SEMA4A: variants seen among roughly 807,000 people sequenced by gnomAD.
The protein encoded by SEMA4A is semaphorin-4A.
In SEMA4A, 52 loss-of-function variants were observed where a neutral mutation model predicts 72.5. The observed-to-expected ratio is 0.72, with a 90% confidence interval of 0.57 to 0.90. SEMA4A has a LOEUF of 0.90. SEMA4A is among the 40% of genes least tolerant of loss of function. SEMA4A has a pLI of 0.00. For synonymous variants in SEMA4A, 369 were observed against 393.1 expected, an observed-to-expected ratio of 0.94 and a Z score of 0.73; for missense variants, 926 against 959.7, an observed-to-expected ratio of 0.96 and a Z score of 0.46.
Position 156,176,651 on chromosome 1 carries a change from T to C in SEMA4A, c.1940T>C (p.Leu647Pro), listed in dbSNP as rs1655365109. Residue 647 changes from leucine to proline, a missense_variant, in exon 15 of 15, where the codon CTG becomes CCG. By Grantham distance (98) the Leu-to-Pro change is moderately conservative. Coordinates refer to ENST00000368285, the MANE Select transcript of SEMA4A (RefSeq NM_022367.4). ...SYWVDSQDQT[L>P]ALDPELAGIP... ...TGGGTGGACAGCCAGGACCAGACCC[T>C]GGCCCTGGATCCTGAACTGGCAGGC... is the stretch of plus-strand genomic sequence containing the variant. The C allele has an allele frequency of 6.2e-7, 1 of 1,614,064 alleles. No individual in the cohort carries two copies. Among genetic ancestry groups the C allele is most frequent in the Non-Finnish European group, 8.5e-7 (1 of 1,180,028 alleles).
At chr1:156,159,505 G>A (rs541206006) in intron 6 of SEMA4A, among the ~76,000 whole-genome samples, 16 of 152,266 alleles carry the variant, frequency 1.1e-4, no homozygotes, top group East Asian at 5.8e-4. Context: ...ACGAGGGCCC[G>A]GGAAGGGTAT....
At position 156,176,954 on chromosome 1, in the gene SEMA4A, A is replaced by T. The variant is rs755921007; in HGVS notation, c.2243A>T (p.Asp748Val). ...SPKECRTSAS[D>V]VDADNNCLGT... ...AAGGAATGCAGGACCTCTGCCAGTG[A>T]TGTGGACGCTGACAACAACTGCCTA... Residue 748 changes from aspartate (D) to valine (V), a missense_variant, in exon 15 of 15, where the codon GAT becomes GTT. By Grantham distance (152) the Asp-to-Val change is radical (BLOSUM62 -3). Coordinates refer to ENST00000368285, the MANE Select transcript of SEMA4A (RefSeq NM_022367.4). 6.2e-6 allele frequency: 10 copies of T among 1,613,510 alleles called. No individual in the cohort carries two copies. The highest frequency in any genetic ancestry group is 8.5e-6 in the Non-Finnish European group (10 of 1,180,034).
rs1472995763 is a variant in SEMA4A at position 156,174,808 on chromosome 1, C to T, written c.1316-14C>T. On this transcript the variant is annotated splice_polypyrimidine_tract_variant and intron_variant, in intron 11 of 14. Transcript: ENST00000368285. ...TGAGATGAGATGACTTCCACTCTCTCTGTCTCCCCATAGCCACAGGGTCGC... is the reference window on the plus strand; with the variant it reads ...TGAGATGAGATGACTTCCACTCTCTTTGTCTCCCCATAGCCACAGGGTCGC... The T allele has an allele frequency of 3.1e-6, 5 of 1,614,068 alleles. No homozygotes were observed. The highest frequency in any genetic ancestry group is 1.3e-5 in the African/African-American group (1 of 74,918).
At chr1:156,159,494 C>G (rs1161280686) in intron 6 of SEMA4A, among the ~76,000 whole-genome samples, 1 of 152,126 alleles carries the variant, frequency 6.6e-6, no homozygotes, top group African/African-American at 2.4e-5. Flanking sequence ...GAGACAGAGG[C>G]ACGAGGGCCC....
At chr1:156,148,712 T>C (rs562826424), upstream of SEMA4A, among the ~76,000 whole-genome samples, 28 of 152,148 alleles carry the variant, frequency 1.8e-4, no homozygotes, top group South Asian at 5.0e-3. Context: ...GCCTGGGATC[T>C]AGGGCCCTTC....
intron 9 of SEMA4A, among the ~76,000 whole-genome samples, chr1:156,162,406 G>A (rs954266974): frequency 6.6e-6 from 1 of 152,240 alleles, no homozygotes. Flanking sequence ...TGGGGTAAGT[G>A]GGATCTGGTA....
In SEMA4A at chr1:156,155,031, C is replaced by T. The variant is rs150237025; in HGVS notation, c.139+314C>T. The T allele has an allele frequency of 2.6e-5, 11 of 426,570 alleles. No individual in the cohort carries two copies. In the Admixed American group the frequency reaches 3.9e-4, roughly 15 times the overall value. The allele number at this position is 426,570 out of a possible 1,614,324, so 26.4% of individuals were successfully genotyped here. On this transcript the variant is annotated intron_variant, in intron 2 of 14. Transcript: ENST00000368285. ...TAAATATCACTGTCACCAAGCTGGG[C>T]ACCTCAAACTCCTAACTGCTTCACA...
At chr1:156,149,657 C>G (rs897893641), upstream of SEMA4A, 1 of 152,226 alleles carries the variant, frequency 6.6e-6, no homozygotes, top group Admixed American at 6.5e-5. Flanking sequence ...CCGGCATATA[C>G]ACAGTTCCCG....
At position 156,177,293 on chromosome 1, in the gene SEMA4A, A is replaced by G; in HGVS notation, c.*296A>G. 4.0e-6 allele frequency: 2 copies of G among 499,140 alleles called. No homozygotes were observed. The highest frequency in any genetic ancestry group is 3.7e-6 in the Non-Finnish European group (1 of 272,544). The allele number at this position is 499,140 out of a possible 1,614,324, so 30.9% of individuals were successfully genotyped here. The stretch of plus-strand genomic sequence containing the variant: ...TGGAGAGGATCCTTCAGTTCTGGCC[A>G]TTCCAGGGACCCTCCAGAAACACAG... On this transcript the variant is annotated 3_prime_UTR_variant, in exon 15 of 15. Coordinates refer to ENST00000368285, the MANE Select transcript of SEMA4A (RefSeq NM_022367.4).
In SEMA4A at chr1:156,176,474, C is replaced by G. The variant is rs763220227; in HGVS notation, c.1763C>G (p.Ser588Cys). 6.2e-7 allele frequency: 1 copy of G among 1,614,166 alleles called. No individual in the cohort carries two copies. Among genetic ancestry groups the G allele is most frequent in the Non-Finnish European group, 8.5e-7 (1 of 1,180,022 alleles). ...LPCPHLSALA[S>C]YYWSHGPAAV... ...TGCCCCCACCTGTCAGCCTTGGCCTCTTATTATTGGAGTCATGGCCCAGCA... is the reference window on the plus strand; with the variant it reads ...TGCCCCCACCTGTCAGCCTTGGCCTGTTATTATTGGAGTCATGGCCCAGCA... Residue 588 changes from serine (S) to cysteine (C), a missense_variant, in exon 15 of 15, where the codon TCT becomes TGT. By Grantham distance (112) the Ser-to-Cys change is moderately radical. Transcript: ENST00000368285.
rs201094714 is a variant in SEMA4A at position 156,163,083 on chromosome 1, C to T, written c.1123C>T (p.Arg375Trp). ...TTATAGGGGCCCTGAGACCAACCCC[C>T]GGCCAGGCAGTGTGAGTACTACCCC... ...TTYRGPETNPRPGSCSVGPSS... is the reference protein window; with the variant it reads ...TTYRGPETNPWPGSCSVGPSS... The change falls in exon 10 of 15, where the codon CGG becomes TGG. Residue 375 changes from arginine (R) to tryptophan (W), a missense_variant. Physicochemically the swap from Arg to Trp is moderately radical, Grantham distance 101. Transcript: ENST00000368285. The T allele has an allele frequency of 2.7e-5, 43 of 1,614,016 alleles. No individual in the cohort carries two copies. The highest frequency in any genetic ancestry group is 1.3e-4 in the East Asian group (6 of 44,886).
At chr1:156,161,273 G>A in intron 8 of SEMA4A, 73 bp from the exon 9 acceptor site, 1 of 961,388 alleles carries the variant, frequency 1.0e-6, no homozygotes, top group Non-Finnish European at 1.5e-6. Flanking sequence ...CGAGCTGCGG[G>A]GGGCGGGGAG....
In SEMA4A at chr1:156,154,669, G is replaced by A. The variant is rs1463721231; in HGVS notation, c.91G>A (p.Ala31Thr). The A allele has an allele frequency of 1.9e-6, 3 of 1,598,560 alleles. No homozygotes were observed. The highest frequency in any genetic ancestry group is 2.6e-6 in the Non-Finnish European group (3 of 1,173,086). Residue 31 changes from alanine to threonine, a missense_variant, in exon 2 of 15, where the codon GCG (alanine) becomes ACG (threonine). By Grantham distance (58) the Ala-to-Thr change is moderately conservative. Coordinates refer to ENST00000368285, the MANE Select transcript of SEMA4A (RefSeq NM_022367.4). ...TCAGCTGCTGCTGCCGACGACGACCGCGGGGGGAGGCGGGCAGGGGCCCAT... is the reference window on the plus strand; with the variant it reads ...TCAGCTGCTGCTGCCGACGACGACCACGGGGGGAGGCGGGCAGGGGCCCAT... Reference protein sequence around the residue: ...LLQLLLPTTTAGGGGQGPMPR... With the variant: ...LLQLLLPTTTTGGGGQGPMPR...
chr1:156,177,088 C>A lies in SEMA4A; in HGVS notation c.*91C>A. 1 of 1,089,928 alleles carries A rather than the reference C, an allele frequency of 9.2e-7. No individual in the cohort carries two copies. Among genetic ancestry groups the A allele is most frequent in the South Asian group, 1.3e-5 (1 of 77,920 alleles). The allele number at this position is 1,089,928 out of a possible 1,614,324, so 67.5% of individuals were successfully genotyped here. A position where few individuals can be genotyped will look rare whatever the true frequency, so the allele number is the denominator to read the frequency against. On this transcript the variant is annotated 3_prime_UTR_variant, in exon 15 of 15. Coordinates refer to ENST00000368285, the MANE Select transcript of SEMA4A (RefSeq NM_022367.4). Reference sequence around the variant, plus strand: ...AGCCCTGACTAGGATGACAGCAGCACAAAAGACCACCTTTCTCCCCTGAGA... The same window carrying A: ...AGCCCTGACTAGGATGACAGCAGCAAAAAAGACCACCTTTCTCCCCTGAGA...
intron 10 of SEMA4A, among the ~76,000 whole-genome samples, chr1:156,165,907 C>CTTTTT (rs71080751): frequency 0.019 from 2,095 of 112,900 alleles, 174 homozygotes; most frequent in African/African-American, 0.056. Flanking sequence ...TTCCTATCTT[C>CTTTTT]TTTTTTTTTT....
chr1:156,170,918 CA>C (rs1654712240), intron 10 of SEMA4A, among the ~76,000 whole-genome samples: 1 of 150,774 alleles, frequency 6.6e-6, no homozygotes, highest in Non-Finnish European at 1.5e-5. Flanking sequence ...GACCCTGTTT[CA>C]AAAAACAATT....
chr1:156,163,657 G>C (rs1332706834), intron 10 of SEMA4A, among the ~76,000 whole-genome samples: 2 of 141,024 alleles, frequency 1.4e-5, no homozygotes, highest in African/African-American at 5.1e-5. Context: ...GGAGGCAGAG[G>C]TTGCAGTGAG....
chr1:156,162,335 C>T (rs1653743532), intron 9 of SEMA4A, among the ~76,000 whole-genome samples: 1 of 152,230 alleles, frequency 6.6e-6, no homozygotes, highest in South Asian at 2.1e-4. Flanking sequence ...GTCCCCGAGT[C>T]ATGGTCTGGC....
rs764973279 is a variant in SEMA4A at position 156,154,582 on chromosome 1, G to T, written c.4G>T (p.Ala2Ser). 1.1e-5 allele frequency: 17 copies of T among 1,609,512 alleles called. No homozygotes were observed. The highest frequency in any genetic ancestry group is 1.3e-5 in the African/African-American group (1 of 75,020). The change falls in exon 2 of 15, where the codon GCC becomes TCC. Residue 2 changes from alanine (A) to serine (S), a missense_variant. Coordinates refer to ENST00000368285, the MANE Select transcript of SEMA4A (RefSeq NM_022367.4). The part of the protein sequence containing the change: M[A>S]LPALGLDPWS... ...TGGTGACAGTCTGTGGCTGAGCATG[G>T]CCCTCCCAGCCCTGGGCCTGGACCC...
Sources: gnomAD v4.1 joint callset for allele counts (sites outside exome capture counted in the v4.1 genomes callset) on GRCh38, gnomAD v4.1.1 for gene constraint, MANE v1.5 for transcripts, NCBI Gene and HGNC (gene_info 2026-07-23, HGNC 2026-07-21) for gene names.